NRG3: variants seen among roughly 807,000 people sequenced by gnomAD.
NRG3 encodes the protein pro-neuregulin-3, membrane-bound isoform.
A neutral mutation model predicts 66.9 loss-of-function variants in NRG3; 31 were observed. The ratio of observed to expected loss-of-function variants is 0.46; its 90% CI spans 0.35 to 0.63. The LOEUF (loss-of-function observed/expected upper bound fraction) is 0.63, where lower values mean the gene tolerates loss of function less well. Among genes scored for constraint, NRG3 ranks in the 20% least tolerant of loss-of-function variants. NRG3 has a pLI of 0.00. For synonymous variants in NRG3, 393 were observed against 359.4 expected (o/e 1.09, Z -1.06); for missense variants, 910 against 878.9 (o/e 1.04, Z -0.45).
At chr10:82,977,519 G>A (rs778805907) in intron 7 of NRG3, among the ~76,000 whole-genome samples, 4 of 148,708 alleles carry the variant, frequency 2.7e-5, no homozygotes, top group Admixed American at 1.4e-4. Context: ...TGGGGCAGGC[G>A]AATCACTTGA....
At chr10:82,705,385 G>C (rs12263960) in intron 2 of NRG3, among the ~76,000 whole-genome samples, 34,174 of 151,514 alleles carry the variant, frequency 0.23, 3,964 homozygotes, top group Middle Eastern at 0.34. Context: ...CAGAGGCTGT[G>C]GGGGGCAGAG....
intron 1 of NRG3, among the ~76,000 whole-genome samples, chr10:82,074,930 C>T (rs2065008500): frequency 6.6e-6 from 1 of 152,200 alleles, no homozygotes; most frequent in Non-Finnish European, 1.5e-5. Flanking sequence ...CTTTTGCCAG[C>T]AGTATATGAA....
intron 1 of NRG3, among the ~76,000 whole-genome samples, chr10:82,074,285 G>A (rs530174924): frequency 1.3e-3 from 193 of 152,318 alleles, no homozygotes; most frequent in Non-Finnish European, 2.2e-3. Context: ...GCAATGGGCA[G>A]TGGAAGAGGA....
At chr10:82,415,742 A>G (rs1322299727) in intron 2 of NRG3, among the ~76,000 whole-genome samples, 4 of 152,160 alleles carry the variant, frequency 2.6e-5, no homozygotes, top group Non-Finnish European at 4.4e-5. Flanking sequence ...CTTGCTGTGA[A>G]CTGTATAATT....
intron 2 of NRG3, among the ~76,000 whole-genome samples, chr10:82,570,906 T>C (rs2045690225): frequency 6.6e-6 from 1 of 151,676 alleles, no homozygotes; most frequent in Admixed American, 6.6e-5. Context: ...CACACATTCC[T>C]CATATATATC....
chr10:82,985,205 T>C lies in NRG3; in HGVS notation c.1691T>C (p.Val564Ala), dbSNP rs1051678442. 2 of 1,614,154 alleles carry C rather than the reference T, an allele frequency of 1.2e-6. No homozygotes were observed. The highest frequency in any genetic ancestry group is 1.7e-6 in the Non-Finnish European group (2 of 1,180,002). ...AATAGCTTGGAGCAAAAGGACCTGG[T>C]GGGCTATTCATCCACAAGGGCCAGT... ...YFNSLEQKDLVGYSSTRASSV... is the reference protein window; with the variant it reads ...YFNSLEQKDLAGYSSTRASSV... Residue 564 changes from valine (V) to alanine (A), a missense_variant, in exon 9 of 9, where the codon GTG (valine) becomes GCG (alanine). Val to Ala is a moderately conservative substitution (Grantham distance 64, BLOSUM62 0). Transcript: ENST00000372141.
At chr10:82,526,165 T>C (rs568939647) in intron 2 of NRG3, among the ~76,000 whole-genome samples, 1 of 151,958 alleles carries the variant, frequency 6.6e-6, no homozygotes, top group African/African-American at 2.4e-5. Context: ...TTCAATATAA[T>C]TTGCTATAAT....
At chr10:82,432,513 A>C (rs1458868115) in intron 2 of NRG3, among the ~76,000 whole-genome samples, 4 of 147,848 alleles carry the variant, frequency 2.7e-5, no homozygotes, top group Non-Finnish European at 4.5e-5. Flanking sequence ...AAAAAAAAAA[A>C]ACAGGATACA....
intron 2 of NRG3, among the ~76,000 whole-genome samples, chr10:82,722,059 T>G (rs988434774): frequency 1.3e-5 from 2 of 152,198 alleles, no homozygotes; most frequent in Non-Finnish European, 1.5e-5. Flanking sequence ...TCAGAAAAAT[T>G]TGGCATCAGG....
chr10:82,082,579 A>G (rs1336694425), intron 1 of NRG3, among the ~76,000 whole-genome samples: 1 of 152,194 alleles, frequency 6.6e-6, no homozygotes, highest in African/African-American at 2.4e-5. Flanking sequence ...GAAAAAATAA[A>G]GACTGCAGAT....
intron 2 of NRG3, among the ~76,000 whole-genome samples, chr10:82,583,277 A>G (rs555007596): frequency 7.0e-6 from 1 of 143,128 alleles, no homozygotes; most frequent in Non-Finnish European, 1.6e-5. Flanking sequence ...ATTCTCCTTT[A>G]GCTCTTGCTC....
intron 4 of NRG3, among the ~76,000 whole-genome samples, chr10:82,867,956 C>T (rs1173851918): frequency 6.6e-6 from 1 of 152,138 alleles, no homozygotes; most frequent in Non-Finnish European, 1.5e-5. Context: ...TGCCCTGGGC[C>T]GCTTGTCCAA....
chr10:82,600,913 T>C (rs1278352890), intron 2 of NRG3, among the ~76,000 whole-genome samples: 2 of 152,072 alleles, frequency 1.3e-5, no homozygotes, highest in African/African-American at 2.4e-5. Flanking sequence ...TAGAACCCAA[T>C]AGGAAGTTTT....
chr10:82,405,951 T>C (rs1283773882), intron 2 of NRG3, among the ~76,000 whole-genome samples: 3 of 152,130 alleles, frequency 2.0e-5, no homozygotes, highest in Non-Finnish European at 4.4e-5. Flanking sequence ...CTCTGGAATA[T>C]GGTACATTAA....
At chr10:82,542,686 G>A (rs2043622424) in intron 2 of NRG3, among the ~76,000 whole-genome samples, 1 of 152,164 alleles carries the variant, frequency 6.6e-6, no homozygotes, top group African/African-American at 2.4e-5. Flanking sequence ...GGAAAACAGA[G>A]CATCACTCTT....
At chr10:82,871,114 G>T (rs1485539900) in intron 4 of NRG3, among the ~76,000 whole-genome samples, 2 of 152,152 alleles carry the variant, frequency 1.3e-5, no homozygotes, top group African/African-American at 2.4e-5. Context: ...TAAGGTCTGT[G>T]TCTAGGTGCA....
intron 1 of NRG3, among the ~76,000 whole-genome samples, chr10:82,053,128 T>G (rs11818400): frequency 1.4e-5 from 2 of 144,180 alleles, no homozygotes; most frequent in African/African-American, 5.2e-5. Flanking sequence ...GTATTTCATT[T>G]GATTATTTTT....
At chr10:82,893,090 T>C (rs1236160780) in intron 4 of NRG3, among the ~76,000 whole-genome samples, 1 of 152,188 alleles carries the variant, frequency 6.6e-6, no homozygotes, top group Non-Finnish European at 1.5e-5. Flanking sequence ...AGATTATGTA[T>C]GATATGAAGT....
intron 1 of NRG3, among the ~76,000 whole-genome samples, chr10:82,189,599 G>C (rs2074013047): frequency 6.6e-6 from 1 of 152,088 alleles, no homozygotes; most frequent in South Asian, 2.1e-4. Context: ...AGACCAGTCT[G>C]GCCAGCGTGG....
Sources: allele counts gnomAD v4.1 joint callset (sites outside exome capture counted in the v4.1 genomes callset), GRCh38; gene constraint gnomAD v4.1.1; transcripts MANE v1.5; gene names NCBI Gene and HGNC (gene_info 2026-07-23, HGNC 2026-07-21).